PDSS2: variants seen among roughly 807,000 people sequenced by gnomAD.
PDSS2 encodes the protein all trans-polyprenyl-diphosphate synthase PDSS2.
PDSS2 carries 31 observed loss-of-function variants against 44.5 expected under a neutral mutation model. The observed-to-expected ratio is 0.70, with a 90% CI of 0.52 to 0.94. PDSS2 has a LOEUF of 0.94. Among genes scored for constraint, PDSS2 ranks in the 40% least tolerant of loss-of-function variants. The pLI is 0.00. For synonymous variants in PDSS2, 157 were observed against 180.3 expected, an observed-to-expected ratio of 0.87 and a Z score of 1.03; for missense variants, 452 against 482.2, an observed-to-expected ratio of 0.94 and a Z score of 0.59.
intron 6 of PDSS2, among the ~76,000 whole-genome samples, chr6:107,204,810 C>A (rs1436086063): frequency 3.3e-5 from 5 of 152,180 alleles, no homozygotes; most frequent in Non-Finnish European, 2.9e-5. Flanking sequence ...CTCTACTGGG[C>A]CATAGACAAC....
At chr6:107,212,968 G>T (rs917170667) in intron 4 of PDSS2, among the ~76,000 whole-genome samples, 7 of 151,970 alleles carry the variant, frequency 4.6e-5, no homozygotes, top group African/African-American at 9.7e-5. Flanking sequence ...TTGCACCACT[G>T]CACTACAGCC....
At position 107,193,816 on chromosome 6, in the gene PDSS2, G is replaced by A. The variant is rs1772463209; in HGVS notation, c.1041+6C>T. On this transcript the variant is annotated splice_donor_region_variant and intron_variant, in intron 7 of 7. Coordinates refer to ENST00000369037, the MANE Select transcript of PDSS2 (RefSeq NM_020381.4). ...AAATAGTACAGTATGTATAAAATCT[G>A]CCTACCTTAGCATAGTCCAATCTTC... 1 of 1,525,936 alleles carries A rather than the reference G, an allele frequency of 6.6e-7. No homozygotes were observed. The highest frequency in any genetic ancestry group is 9.1e-7 in the Non-Finnish European group (1 of 1,099,524). 94.5% of individuals were successfully genotyped at this position (1,525,936 alleles called of 1,614,324 possible). A position where few individuals can be genotyped will look rare whatever the true frequency, so the allele number is the denominator to read the frequency against.
chr6:107,419,170 C>T (rs557609300), intron 1 of PDSS2, among the ~76,000 whole-genome samples: 1 of 152,260 alleles, frequency 6.6e-6, no homozygotes, highest in African/African-American at 2.4e-5. Flanking sequence ...AGAACCACTG[C>T]TCTAGTATAG....
intron 2 of PDSS2, among the ~76,000 whole-genome samples, chr6:107,321,001 A>C (rs1777364628): frequency 6.6e-6 from 1 of 152,218 alleles, no homozygotes; most frequent in Non-Finnish European, 1.5e-5. Flanking sequence ...ACGTTATTAA[A>C]TTTCTTTAAG....
At chr6:107,262,168 A>G (rs971942197) in intron 3 of PDSS2, among the ~76,000 whole-genome samples, 2 of 150,804 alleles carry the variant, frequency 1.3e-5, no homozygotes, top group East Asian at 2.0e-4. Flanking sequence ...CGGCCTCCCA[A>G]AGTGCTGGGA....
chr6:107,301,711 C>T (rs1364791504), intron 2 of PDSS2, among the ~76,000 whole-genome samples: 1 of 151,834 alleles, frequency 6.6e-6, no homozygotes, highest in Non-Finnish European at 1.5e-5. Context: ...CACCTGTAAG[C>T]CCAGCACTTT....
intron 7 of PDSS2, among the ~76,000 whole-genome samples, chr6:107,157,815 C>T (rs139389831): frequency 0.026 from 3,882 of 152,052 alleles, 126 homozygotes; most frequent in African/African-American, 0.079. Context: ...GGATTACAGG[C>T]ACCCGCCACC....
chr6:107,302,831 G>A (rs1372471079), intron 2 of PDSS2, among the ~76,000 whole-genome samples: 4 of 141,280 alleles, frequency 2.8e-5, no homozygotes, highest in African/African-American at 1.0e-4. Context: ...CAGATGTGCT[G>A]TAAAAACTTA....
At chr6:107,238,209 G>A (rs926415110) in intron 4 of PDSS2, among the ~76,000 whole-genome samples, 2 of 152,158 alleles carry the variant, frequency 1.3e-5, no homozygotes, top group Non-Finnish European at 2.9e-5. Flanking sequence ...ACACCAACAT[G>A]AGTCAGAGAC....
intron 2 of PDSS2, among the ~76,000 whole-genome samples, chr6:107,306,958 A>C (rs571185467): frequency 1.3e-5 from 2 of 152,242 alleles, no homozygotes; most frequent in Admixed American, 6.5e-5. Context: ...TTTCACAGAG[A>C]CCTCTAAGAC....
chr6:107,359,007 CTTTTTTTT>C (rs59632305), intron 1 of PDSS2, among the ~76,000 whole-genome samples: 2 of 93,060 alleles, frequency 2.1e-5, no homozygotes, highest in South Asian at 5.0e-4. Context: ...CATTCTCGCT[CTTTTTTTT>C]TTTTTTTTTT....
intron 1 of PDSS2, among the ~76,000 whole-genome samples, chr6:107,453,389 T>C (rs187632318): frequency 1.3e-5 from 2 of 152,314 alleles, no homozygotes; most frequent in East Asian, 3.9e-4. Context: ...AAATACTGTG[T>C]GAGGTTTAGG....
chr6:107,370,748 C>T (rs1779104543), intron 1 of PDSS2, among the ~76,000 whole-genome samples: 1 of 152,174 alleles, frequency 6.6e-6, no homozygotes, highest in Admixed American at 6.5e-5. Flanking sequence ...TTTTTATCAC[C>T]TCTTTTCAAG....
chr6:107,192,835 A>G (rs921450943), intron 7 of PDSS2, among the ~76,000 whole-genome samples: 1 of 151,982 alleles, frequency 6.6e-6, no homozygotes, highest in African/African-American at 2.4e-5. Flanking sequence ...AGAAGAGTAA[A>G]GGTGGGGGCC....
intron 1 of PDSS2, among the ~76,000 whole-genome samples, chr6:107,414,948 G>A (rs952555703): frequency 2.0e-5 from 3 of 152,132 alleles, no homozygotes; most frequent in African/African-American, 7.2e-5. Context: ...GAATCACAGG[G>A]AATTGGGGCA....
chr6:107,250,204 G>A (rs1407416111), intron 3 of PDSS2, among the ~76,000 whole-genome samples: 1 of 149,852 alleles, frequency 6.7e-6, no homozygotes, highest in African/African-American at 2.5e-5. Context: ...AAAAATCCTC[G>A]CATTGCTATC....
chr6:107,428,058 T>C (rs909279711), intron 1 of PDSS2, among the ~76,000 whole-genome samples: 1 of 152,236 alleles, frequency 6.6e-6, no homozygotes, highest in Non-Finnish European at 1.5e-5. Flanking sequence ...TTAAAACTAA[T>C]ATATTTTCAT....
At chr6:107,243,582 G>A (rs1582837454) in intron 4 of PDSS2, among the ~76,000 whole-genome samples, 1 of 152,170 alleles carries the variant, frequency 6.6e-6, no homozygotes, top group South Asian at 2.1e-4. Flanking sequence ...AATATCCCAA[G>A]GGAAAACAGT....
chr6:107,265,495 T>C lies in PDSS2; in HGVS notation c.630+8534A>G, dbSNP rs112290801. On this transcript the variant is annotated intron_variant, in intron 3 of 7. Coordinates refer to ENST00000369037, the MANE Select transcript of PDSS2 (RefSeq NM_020381.4). ...ACTGTGAAAAAACAGTGACATATTA[T>C]AAACAGAAATTCTGTATTAAGTTTT... Among the ~76,000 whole-genome samples, 708 of 152,340 alleles carry C rather than the reference T, an allele frequency of 4.6e-3. 3 individuals carry two copies. Among genetic ancestry groups the C allele is most frequent in the African/African-American group, 0.017 (695 of 41,572 alleles).
Sources: gnomAD v4.1 joint callset for allele counts (sites outside exome capture counted in the v4.1 genomes callset) on GRCh38, gnomAD v4.1.1 for gene constraint, MANE v1.5 for transcripts, NCBI Gene and HGNC (gene_info 2026-07-23, HGNC 2026-07-21) for gene names.